The following GAREM1 variants were observed in gnomAD, a reference collection of about 807,000 sequenced individuals.
GAREM1 encodes GRB2-associated and regulator of MAPK protein 1.
GAREM1 carries 26 observed loss-of-function variants against 71.3 expected under a neutral mutation model. The ratio of observed to expected loss-of-function variants is 0.36; its 90% confidence interval spans 0.27 to 0.51. The LOEUF is 0.51. Ranked by LOEUF, GAREM1 falls within the 20% of genes least tolerant of loss-of-function variation. The probability of loss-of-function intolerance (pLI) is 0.95; values close to 1 mark genes in which losing one functional copy is unlikely to be tolerated. For missense variants in GAREM1, 1,026 were observed against 1,103.1 expected, an observed-to-expected ratio of 0.93 and a Z score of 0.99; for synonymous variants, 440 against 433.2, an observed-to-expected ratio of 1.02 and a Z score of -0.20.
At position 32,287,789 on chromosome 18, in the gene GAREM1, G is replaced by A. The variant is rs762101462; in HGVS notation, c.808C>T (p.Arg270Cys). ...YDLHFIREGH[R>C]YKFVNIQTKT... is the part of the protein sequence containing the mutation. Reference sequence around the variant, plus strand: ...GTCTGGATGTTCACAAACTTATAGCGGTGCCCCTCACGGATGAAGTGGAGG... The same window carrying A: ...GTCTGGATGTTCACAAACTTATAGCAGTGCCCCTCACGGATGAAGTGGAGG... Residue 270 changes from arginine to cysteine, a missense_variant, in exon 4 of 6, where the codon CGC (arginine) becomes TGC (cysteine). Arg to Cys is a radical substitution (Grantham distance 180). Coordinates refer to ENST00000269209, the MANE Select transcript of GAREM1 (RefSeq NM_001242409.2). This position sits in a 1 kb window ranked among gnomAD's most constrained non-coding sequence, Gnocchi z 5.9. 2.1e-5 allele frequency: 34 copies of A among 1,613,568 alleles called. No individual in the cohort carries two copies. The East Asian group carries it at 4.5e-4, about 21-fold the overall frequency.
intron 4 of GAREM1, among the ~76,000 whole-genome samples, chr18:32,275,918 G>A (rs1018205659): frequency 1.3e-5 from 2 of 152,098 alleles, no homozygotes; most frequent in Non-Finnish European, 1.5e-5. Context: ...CAGGTGATTC[G>A]CCCGCCTCGG....
chr18:32,451,792 T>C (rs729692), intron 1 of GAREM1, among the ~76,000 whole-genome samples: 20,976 of 152,042 alleles, frequency 0.14, 1,784 homozygotes, highest in East Asian at 0.39. Flanking sequence ...CTTCCCACTG[T>C]TTGTATAACA....
intron 2 of GAREM1, among the ~76,000 whole-genome samples, chr18:32,330,770 A>G (rs1400007689): frequency 6.6e-6 from 1 of 152,218 alleles, no homozygotes; most frequent in East Asian, 1.9e-4. Flanking sequence ...ATTTCTGGGG[A>G]GAAAAGTTAA....
chr18:32,372,370 G>A (rs1002601856), intron 2 of GAREM1, among the ~76,000 whole-genome samples: 1 of 152,150 alleles, frequency 6.6e-6, no homozygotes, highest in Non-Finnish European at 1.5e-5. Context: ...ACACTAATCT[G>A]CTTCTTACTA....
At chr18:32,443,791 ACAAATGTCCG>A (rs1186255395) in intron 1 of GAREM1, among the ~76,000 whole-genome samples, 1 of 152,178 alleles carries the variant, frequency 6.6e-6, no homozygotes, top group Non-Finnish European at 1.5e-5. Flanking sequence ...AGAAATGAAA[ACAAATGTCCG>A]CATAGTAACT....
At position 32,267,999 on chromosome 18, in the gene GAREM1, T is replaced by A; in HGVS notation, c.2503A>T (p.Thr835Ser). 3 of 1,613,788 alleles carry A rather than the reference T, an allele frequency of 1.9e-6. No individual in the cohort carries two copies. Among genetic ancestry groups the A allele is most frequent in the Non-Finnish European group, 2.5e-6 (3 of 1,179,722 alleles). Residue 835 changes from threonine (T) to serine (S), a missense_variant, in exon 6 of 6, where the codon ACT becomes TCT. Physicochemically the swap from Thr to Ser is moderately conservative, Grantham distance 58. This residue lies in a region of GAREM1 where 636 missense variants were observed against 631.2 expected (regional missense o/e 1.01). Transcript: ENST00000269209. The part of the protein sequence containing the change: ...LSEDVISFFV[T>S]EKIDGNLLVQ... The stretch of plus-strand genomic sequence containing the variant: ...AGCAGGTTCCCATCAATCTTTTCAG[T>A]AACAAAGAATGATATGACATCTTCG...
In GAREM1 at chr18:32,287,403, GTTGCCATGGA is replaced by G; in HGVS notation, c.1184_1193del (p.Leu395ProfsTer4). 1 of 1,614,236 alleles carries G rather than the reference GTTGCCATGGA, an allele frequency of 6.2e-7. No homozygotes were observed. The highest frequency in any genetic ancestry group is 8.5e-7 in the Non-Finnish European group (1 of 1,180,038). ...TGCAACCATGAAGGTTCACCTCACT[GTTGCCATGGA>G]GATTGTTGCCATACACACAGACCGA... is the stretch of plus-strand genomic sequence containing the variant. On this transcript the variant is annotated frameshift_variant, in exon 4 of 6. Transcript: ENST00000269209. LOFTEE classifies it high-confidence loss of function. This position sits in a 1 kb window ranked among gnomAD's most constrained non-coding sequence, Gnocchi z 5.9.
At chr18:32,275,741 C>T (rs564822367) in intron 4 of GAREM1, among the ~76,000 whole-genome samples, 4 of 152,244 alleles carry the variant, frequency 2.6e-5, no homozygotes, top group South Asian at 4.1e-4. Flanking sequence ...TGCAATGGCG[C>T]GATCTCAGCT....
At chr18:32,416,907 G>T (rs969038390) in intron 1 of GAREM1, among the ~76,000 whole-genome samples, 2 of 152,012 alleles carry the variant, frequency 1.3e-5, no homozygotes, top group African/African-American at 4.8e-5. Context: ...GCACAGCAAA[G>T]AAAAGAATCA....
chr18:32,290,876 A>G (rs972163165), intron 3 of GAREM1, among the ~76,000 whole-genome samples: 2 of 152,174 alleles, frequency 1.3e-5, no homozygotes, highest in African/African-American at 4.8e-5. Context: ...ATCCTTGTCC[A>G]TAGCTGGTGA....
At chr18:32,376,887 A>G (rs2048035520) in intron 2 of GAREM1, among the ~76,000 whole-genome samples, 1 of 152,126 alleles carries the variant, frequency 6.6e-6, no homozygotes, top group Non-Finnish European at 1.5e-5. Flanking sequence ...ACAAAAAACA[A>G]AACAAAACAA....
chr18:32,437,269 C>T (rs1197338688), intron 1 of GAREM1, among the ~76,000 whole-genome samples: 1 of 152,140 alleles, frequency 6.6e-6, no homozygotes, highest in African/African-American at 2.4e-5. Flanking sequence ...CCTGTGCTTG[C>T]TTTCTCCTGC....
At chr18:32,396,053 G>C (rs566761948) in intron 1 of GAREM1, among the ~76,000 whole-genome samples, 3 of 152,322 alleles carry the variant, frequency 2.0e-5, no homozygotes, top group Admixed American at 6.5e-5. Context: ...AGGCAAACAG[G>C]GTCTGGAGTG....
chr18:32,317,711 T>A (rs1238165326), intron 2 of GAREM1, among the ~76,000 whole-genome samples: 1 of 150,842 alleles, frequency 6.6e-6, no homozygotes, highest in South Asian at 2.1e-4. Context: ...TTTTTTTTTT[T>A]AAAGAATGTA....
chr18:32,389,938 C>G (rs570519778), intron 2 of GAREM1, among the ~76,000 whole-genome samples: 17 of 152,174 alleles, frequency 1.1e-4, no homozygotes, highest in African/African-American at 3.1e-4. Flanking sequence ...TTTGAAAGGC[C>G]AAGGCAGGTG....
chr18:32,327,507 C>G (rs760196323), intron 2 of GAREM1, among the ~76,000 whole-genome samples: 1 of 151,818 alleles, frequency 6.6e-6, no homozygotes, highest in Non-Finnish European at 1.5e-5. Flanking sequence ...ATGAAGAAAG[C>G]GGGGATGATG....
At chr18:32,280,580 C>A (rs896600978) in intron 4 of GAREM1, among the ~76,000 whole-genome samples, 37 of 152,152 alleles carry the variant, frequency 2.4e-4, no homozygotes, top group African/African-American at 7.0e-4. Flanking sequence ...CTATTGGGAT[C>A]CACAGGGTGC....
chr18:32,406,447 G>A lies in GAREM1; in HGVS notation c.122-13412C>T, dbSNP rs565165865. On this transcript the variant is annotated intron_variant, in intron 1 of 5. Transcript: ENST00000269209. The stretch of plus-strand genomic sequence containing the variant: ...CATTCTGGTAGTATTTCTCTGTCCC[G>A]ATGGACTATAATCAAATGACATGAT... 1.2e-3 allele frequency among the ~76,000 whole-genome samples: 184 copies of A among 152,248 alleles called. 1 individual carries two copies. Among genetic ancestry groups the A allele is most frequent in the Admixed American group, 4.8e-3 (74 of 15,288 alleles).
rs2047688491 is a variant in GAREM1 at position 32,345,680 on chromosome 18, T to C, written c.263-35357A>G. ...GACTCTTAGAATGAAAAGCAACTGA[T>C]GAATTTCTGGCTGGGATTCACATCG... is the stretch of plus-strand genomic sequence containing the variant. On this transcript the variant is annotated intron_variant, in intron 2 of 5. Transcript: ENST00000269209. Among the ~76,000 whole-genome samples, 3 of 152,226 alleles carry C rather than the reference T, an allele frequency of 2.0e-5. No homozygotes were observed. The South Asian group carries it at 6.2e-4, about 31-fold the overall frequency.
Sources: allele counts gnomAD v4.1 joint callset (sites outside exome capture counted in the v4.1 genomes callset), GRCh38; gene constraint gnomAD v4.1.1; regional missense constraint gnomAD v4.1.1; non-coding constraint Gnocchi (gnomAD v3.1); transcripts MANE v1.5; gene names NCBI Gene and HGNC (gene_info 2026-07-23, HGNC 2026-07-21).